The following MAN2A1 variants were observed in gnomAD, a reference collection of about 807,000 sequenced individuals.
MAN2A1 encodes the protein mannosidase alpha class 2A member 1.
A neutral mutation model predicts 142.6 loss-of-function variants in MAN2A1; 76 were observed. The observed-to-expected ratio is 0.53, with a 90% CI of 0.44 to 0.65. The LOEUF (loss-of-function observed/expected upper bound fraction) is 0.65. MAN2A1 is among the 30% of genes least tolerant of loss of function. MAN2A1 has a pLI of 0.00. For missense variants in MAN2A1, 1,311 were observed against 1,365.1 expected, an observed-to-expected ratio of 0.96 and a Z score of 0.62; for synonymous variants, 559 against 473.2, an observed-to-expected ratio of 1.18 and a Z score of -2.35.
At chr5:109,736,552 C>A (rs1336722735) in intron 4 of MAN2A1, among the ~76,000 whole-genome samples, 1 of 151,952 alleles carries the variant, frequency 6.6e-6, no homozygotes, top group Non-Finnish European at 1.5e-5. Context: ...TTAGGTGTTA[C>A]CTTACTTCTT....
At chr5:109,697,370 T>G (rs1214636578) in intron 1 of MAN2A1, among the ~76,000 whole-genome samples, 1 of 152,220 alleles carries the variant, frequency 6.6e-6, no homozygotes, top group East Asian at 1.9e-4. Context: ...CATTTCATTT[T>G]GTCCTCTAAA....
At chr5:109,699,730 G>A (rs542231537) in intron 1 of MAN2A1, 2 of 158,792 alleles carry the variant, frequency 1.3e-5, no homozygotes, top group East Asian at 3.9e-4. Context: ...CTCACATAGA[G>A]TGGTGAGGGA....
chr5:109,839,459 A>G (rs1755142521), intron 16 of MAN2A1, among the ~76,000 whole-genome samples: 1 of 151,758 alleles, frequency 6.6e-6, no homozygotes, highest in Non-Finnish European at 1.5e-5. Flanking sequence ...TCATCAGGAA[A>G]TGTACATGTG....
intron 19 of MAN2A1, chr5:109,854,415 T>C (rs576117476): frequency 6.6e-6 from 1 of 152,296 alleles, no homozygotes; most frequent in African/African-American, 2.4e-5. Context: ...TTTTAAATTA[T>C]ATGGAATAAT....
chr5:109,808,946 G>T (rs1754247322), intron 12 of MAN2A1, among the ~76,000 whole-genome samples: 1 of 151,934 alleles, frequency 6.6e-6, no homozygotes, highest in African/African-American at 2.4e-5. Flanking sequence ...CGGGTGATCT[G>T]CCTGCCTCGG....
chr5:109,843,765 C>T (rs190053794), intron 17 of MAN2A1, among the ~76,000 whole-genome samples: 141 of 152,226 alleles, frequency 9.3e-4, no homozygotes, highest in African/African-American at 3.2e-3. Context: ...TTTAATAGAG[C>T]ACTTTTGATT....
chr5:109,750,427 G>C (rs1752514206), intron 4 of MAN2A1, among the ~76,000 whole-genome samples: 1 of 152,040 alleles, frequency 6.6e-6, no homozygotes, highest in Non-Finnish European at 1.5e-5. Flanking sequence ...AGGAAAAACA[G>C]GCAGTTCAAT....
intron 5 of MAN2A1, among the ~76,000 whole-genome samples, chr5:109,763,856 C>T (rs11960588): frequency 0.11 from 16,117 of 151,228 alleles, 1,229 homozygotes; most frequent in African/African-American, 0.23. Flanking sequence ...GGCTGGAGCA[C>T]ACTGGCGCCA....
chr5:109,802,574 A>G (rs1046398711), intron 12 of MAN2A1, among the ~76,000 whole-genome samples: 19 of 152,266 alleles, frequency 1.2e-4, no homozygotes, highest in African/African-American at 4.1e-4. Flanking sequence ...TCTAAATGGC[A>G]TTGATTGTTA....
chr5:109,706,998 A>G (rs974592357), intron 1 of MAN2A1, among the ~76,000 whole-genome samples: 14 of 152,208 alleles, frequency 9.2e-5, no homozygotes, highest in Non-Finnish European at 1.3e-4. Context: ...CACTCCCCAC[A>G]AGAGGTGAAA....
chr5:109,802,476 G>A (rs1754057071), intron 12 of MAN2A1, among the ~76,000 whole-genome samples: 1 of 152,146 alleles, frequency 6.6e-6, no homozygotes, highest in African/African-American at 2.4e-5. Flanking sequence ...GTTCTGTAGA[G>A]TATTGGTTTG....
At chr5:109,770,255 C>G (rs551551073) in intron 6 of MAN2A1, 100 bp from the exon 7 acceptor site, 3 of 1,110,254 alleles carry the variant, frequency 2.7e-6, no homozygotes, top group Non-Finnish European at 3.9e-6. Context: ...TAGCACAGAG[C>G]TAAATCAGCA....
intron 6 of MAN2A1, among the ~76,000 whole-genome samples, 200 bp downstream of exon 6, chr5:109,767,908 A>G (rs1345213334): frequency 6.6e-6 from 1 of 152,218 alleles, no homozygotes; most frequent in Non-Finnish European, 1.5e-5. Flanking sequence ...TTTATAGAGC[A>G]TAGGAGAATC....
intron 10 of MAN2A1, among the ~76,000 whole-genome samples, chr5:109,787,256 G>T (rs1433863059): frequency 6.6e-6 from 1 of 151,930 alleles, no homozygotes; most frequent in Non-Finnish European, 1.5e-5. Flanking sequence ...CGGAACACAG[G>T]GTGAGCGTGA....
intron 8 of MAN2A1, among the ~76,000 whole-genome samples, chr5:109,776,291 T>A (rs894138258): frequency 6.6e-6 from 1 of 152,086 alleles, no homozygotes; most frequent in South Asian, 2.1e-4. Flanking sequence ...TAATATCAAA[T>A]AGATAAATAA....
At chr5:109,853,674 C>T (rs759497933) in intron 19 of MAN2A1, 11 of 152,214 alleles carry the variant, frequency 7.2e-5, no homozygotes, top group African/African-American at 7.2e-5. Context: ...TTTTATTACT[C>T]GTGAGTGACT....
intron 4 of MAN2A1, among the ~76,000 whole-genome samples, 189 bp from the exon 5 acceptor site, chr5:109,755,140 C>T (rs889643905): frequency 6.6e-6 from 1 of 152,286 alleles, no homozygotes; most frequent in Non-Finnish European, 1.5e-5. Context: ...CAGGGGTTAC[C>T]TGAGACACCG....
At chr5:109,743,851 G>T (rs999975460) in intron 4 of MAN2A1, among the ~76,000 whole-genome samples, 6 of 152,238 alleles carry the variant, frequency 3.9e-5, no homozygotes, top group African/African-American at 1.2e-4. Context: ...AAAGGCACAG[G>T]CCACTATCCT....
At chr5:109,828,117 AAG>A (rs1754805690) in intron 16 of MAN2A1, among the ~76,000 whole-genome samples, 1 of 144,060 alleles carries the variant, frequency 6.9e-6, no homozygotes, top group South Asian at 2.5e-4. Flanking sequence ...AAAAAAAAAA[AAG>A]AAAAAAAGAA....
Sources: allele counts gnomAD v4.1 joint callset (sites outside exome capture counted in the v4.1 genomes callset), GRCh38; gene constraint gnomAD v4.1.1; transcripts MANE v1.5; gene names NCBI Gene and HGNC (gene_info 2026-07-23, HGNC 2026-07-21).